Variants in PDK2 observed in about 807,000 individuals in gnomAD.
PDK2 encodes pyruvate dehydrogenase kinase, isozyme 2.
A neutral mutation model predicts 50.4 loss-of-function variants in PDK2; 34 were observed. The ratio of observed to expected loss-of-function variants is 0.68; its 90% confidence interval spans 0.51 to 0.90. PDK2 has a LOEUF of 0.90. Ranked by LOEUF, PDK2 falls within the 40% of genes least tolerant of loss-of-function variation. PDK2 has a pLI of 0.00. For missense variants in PDK2, 377 were observed against 544.5 expected (o/e 0.69, Z 3.06); for synonymous variants, 232 against 216.0 (o/e 1.07, Z -0.65).
chr17:50,111,610 A>T lies in PDK2; in HGVS notation c.*1513A>T, dbSNP rs1489914010. The T allele has an allele frequency of 6.6e-6, 1 of 152,338 alleles. No homozygotes were observed. Among genetic ancestry groups the T allele is most frequent in the African/African-American group, 2.4e-5 (1 of 41,450 alleles). The allele number at this position is 152,338 out of a possible 1,614,324, so 9.4% of individuals were successfully genotyped here. A position where few individuals can be genotyped will look rare whatever the true frequency, so the allele number is the denominator to read the frequency against. ...GAGGGAGCCAGCATGCATTGGTGCC[A>T]TCTGCCGCTCTGTCTGGGCAGATGG... On this transcript the variant is annotated 3_prime_UTR_variant, in exon 11 of 11. Transcript: ENST00000503176.
At chr17:50,096,181 A>G (rs1909930437) in intron 1 of PDK2, 3 of 985,566 alleles carry the variant, frequency 3.0e-6, no homozygotes, top group African/African-American at 3.5e-5. Context: ...TTGAAGATCA[A>G]ATCTGTTCCG....
rs779838763 is a variant in PDK2 at position 50,095,396 on chromosome 17, C to T, written c.-40C>T. 2 of 1,453,872 alleles carry T rather than the reference C, an allele frequency of 1.4e-6. No individual in the cohort carries two copies. The highest frequency in any genetic ancestry group is 1.4e-5 in the African/African-American group (1 of 71,444). The allele number at this position is 1,453,872 out of a possible 1,614,324, so 90.1% of individuals were successfully genotyped here. A position where few individuals can be genotyped will look rare whatever the true frequency, so the allele number is the denominator to read the frequency against. ...GGGCCGAAAGGTGCGCGAGCGCTGC[C>T]CGCGCGGGGACCACAACCAAAGTCG... On this transcript the variant is annotated 5_prime_UTR_variant, in exon 1 of 11. Coordinates refer to ENST00000503176, the MANE Select transcript of PDK2 (RefSeq NM_002611.5).
At position 50,095,475 on chromosome 17, in the gene PDK2, G is replaced by A. The variant is rs868086872; in HGVS notation, c.40G>A (p.Ala14Thr). The change falls in exon 1 of 11, where the codon GCA (alanine) becomes ACA (threonine). Residue 14 changes from alanine to threonine, a missense_variant. Physicochemically the swap from Ala to Thr is moderately conservative, Grantham distance 58 (BLOSUM62 0). Around this residue, in one of 3 missense-constraint regions of PDK2, gnomAD observed 100 missense variants for 115.5 expected, o/e 0.87. Transcript: ENST00000503176. ...VWALLKNASL[A>T]GAPKYIEHFS... Reference sequence around the variant, plus strand: ...GGCGCTGCTGAAGAATGCGTCCCTGGCAGGGGCGCCCAAGTACATAGAGCA... The same window carrying A: ...GGCGCTGCTGAAGAATGCGTCCCTGACAGGGGCGCCCAAGTACATAGAGCA... 1 of 1,605,438 alleles carries A rather than the reference G, an allele frequency of 6.2e-7. No individual in the cohort carries two copies. The highest frequency in any genetic ancestry group is 1.3e-5 in the African/African-American group (1 of 74,934).
chr17:50,095,506 G>C lies in PDK2; in HGVS notation c.71G>C (p.Ser24Thr). 6.2e-7 allele frequency: 1 copy of C among 1,607,142 alleles called. No individual in the cohort carries two copies. The highest frequency in any genetic ancestry group is 8.5e-7 in the Non-Finnish European group (1 of 1,177,028). Reference sequence around the variant, plus strand: ...GCGCCCAAGTACATAGAGCACTTCAGCAAGTTCTCCCCGTCCCCGCTGTCC... The same window carrying C: ...GCGCCCAAGTACATAGAGCACTTCACCAAGTTCTCCCCGTCCCCGCTGTCC... ...AGAPKYIEHFSKFSPSPLSMK... is the reference protein window; with the variant it reads ...AGAPKYIEHFTKFSPSPLSMK... Residue 24 changes from serine to threonine, a missense_variant, in exon 1 of 11, where the codon AGC (serine) becomes ACC (threonine). Ser to Thr is a moderately conservative substitution (Grantham distance 58). Around this residue, in one of 3 missense-constraint regions of PDK2, gnomAD observed 100 missense variants for 115.5 expected, o/e 0.87. Coordinates refer to ENST00000503176, the MANE Select transcript of PDK2 (RefSeq NM_002611.5).
At chr17:50,104,180 CT>C (rs1361846961) in intron 2 of PDK2, 1 of 152,248 alleles carries the variant, frequency 6.6e-6, no homozygotes, top group African/African-American at 2.4e-5. Context: ...GTGGCTCCAG[CT>C]TGGTACCATC....
chr17:50,107,692 C>A lies in PDK2; in HGVS notation c.686-464C>A, dbSNP rs868055892. ...GTGCTAGGGAGATTGCGGAATGGAG[C>A]CTTCAGCCAATTAACAAGTAAATAA... On this transcript the variant is annotated intron_variant, in intron 6 of 10. Transcript: ENST00000503176. Among the ~76,000 whole-genome samples, 7 of 152,132 alleles carry A rather than the reference C, an allele frequency of 4.6e-5. No homozygotes were observed. The South Asian group carries it at 6.2e-4, about 14-fold the overall frequency.
rs2239953 is a variant in PDK2 at position 50,111,660 on chromosome 17, G to C, written c.*1563G>C. ...GGAGGAGCTGGAGGGGTTTCCAAGC[G>C]GGAGCCCCCAGGCCTCATCGGTAAC... is the stretch of plus-strand genomic sequence containing the variant. On this transcript the variant is annotated 3_prime_UTR_variant, in exon 11 of 11. Transcript: ENST00000503176. 1.3e-5 allele frequency: 2 copies of C among 152,238 alleles called. No homozygotes were observed. The highest frequency in any genetic ancestry group is 3.9e-4 in the East Asian group (2 of 5,166). The allele number at this position is 152,238 out of a possible 1,614,324, so 9.4% of individuals were successfully genotyped here.
chr17:50,104,640 G>A (rs1041736072), intron 2 of PDK2, among the ~76,000 whole-genome samples: 4 of 152,190 alleles, frequency 2.6e-5, no homozygotes, highest in Non-Finnish European at 5.9e-5. Context: ...CCTGTAGATG[G>A]GAGGAGGTGG....
intron 7 of PDK2, 30 bp from the exon 8 acceptor site, chr17:50,108,289 C>T (rs1598215422): frequency 6.2e-7 from 1 of 1,610,044 alleles, no homozygotes. Context: ...TGGCTTCTCC[C>T]ATGCATCTCT....
intron 1 of PDK2, among the ~76,000 whole-genome samples, chr17:50,096,570 G>C (rs1029715607): frequency 2.0e-5 from 3 of 152,130 alleles, no homozygotes; most frequent in African/African-American, 7.2e-5. Context: ...CCCCTGCCCT[G>C]CCTGAGTCTT....
chr17:50,101,450 C>G lies in PDK2; in HGVS notation c.260+3886C>G, dbSNP rs562039556. On this transcript the variant is annotated intron_variant, in intron 2 of 10. Coordinates refer to ENST00000503176, the MANE Select transcript of PDK2 (RefSeq NM_002611.5). This position sits in a 1 kb window ranked among gnomAD's most constrained non-coding sequence, Gnocchi z 4.2. ...AGCAGCGGAACCCAAACCTGCCTGG[C>G]TCAGAGGCTCCGGAGGCGGGACACC... Among the ~76,000 whole-genome samples, 1 of 152,160 alleles carries G rather than the reference C, an allele frequency of 6.6e-6. No individual in the cohort carries two copies. The highest frequency in any genetic ancestry group is 1.5e-5 in the Non-Finnish European group (1 of 68,018).
chr17:50,095,023 G>T, upstream of PDK2: 1 of 182,768 alleles, frequency 5.5e-6, no homozygotes, highest in Middle Eastern at 2.4e-3. Context: ...GATGCGAGGG[G>T]GTAGCAAGGG....
Position 50,097,446 on chromosome 17 carries a change from ACCT to A in PDK2, c.146_148del (p.Ser49del). On this transcript the variant is annotated inframe_deletion, in exon 2 of 11. Coordinates refer to ENST00000503176, the MANE Select transcript of PDK2 (RefSeq NM_002611.5). ...AGGATCCAGCAATGCCTGTGAGAAA[ACCT>A]CCTTCACCTTCCTCAGGCAGGAGCT... is the stretch of plus-strand genomic sequence containing the variant. 1.2e-6 allele frequency: 2 copies of A among 1,607,058 alleles called. No homozygotes were observed. Among genetic ancestry groups the A allele is most frequent in the Non-Finnish European group, 1.7e-6 (2 of 1,174,670 alleles).
rs140605026 is a variant in PDK2, at chr17:50,109,496, C to T, written c.1083+96C>T. 2.0e-4 allele frequency: 131 copies of T among 665,588 alleles called. No individual in the cohort carries two copies. Among genetic ancestry groups the T allele is most frequent in the East Asian group, 9.3e-4 (32 of 34,418 alleles). 41.2% of individuals were successfully genotyped at this position (665,588 alleles called of 1,614,324 possible). A position where few individuals can be genotyped will look rare whatever the true frequency, so the allele number is the denominator to read the frequency against. On this transcript the variant is annotated intron_variant, in intron 10 of 10. Transcript: ENST00000503176. The surrounding 1 kb of genome is among the most constrained non-coding windows in gnomAD (Gnocchi z 5.0). ...CTGCGAGCTTTCCTTTCCATCCCCCCAGTCCTTCCCTGGCCCCAGACTCTG... is the reference window on the plus strand; with the variant it reads ...CTGCGAGCTTTCCTTTCCATCCCCCTAGTCCTTCCCTGGCCCCAGACTCTG...
At chr17:50,097,595 C>T (rs1292251509) in intron 2 of PDK2, 31 bp downstream of exon 2, 1 of 1,606,966 alleles carries the variant, frequency 6.2e-7, no homozygotes, top group Non-Finnish European at 8.5e-7. Flanking sequence ...CCTGCACCTC[C>T]CACTCCATCG....
At chr17:50,098,435 G>C (rs1362191584) in intron 2 of PDK2, 1 of 152,220 alleles carries the variant, frequency 6.6e-6, no homozygotes, top group Non-Finnish European at 1.5e-5. Context: ...CACCCAGGCA[G>C]GGTGAACTGA....
At chr17:50,102,358 C>T (rs1184039777) in intron 2 of PDK2, among the ~76,000 whole-genome samples, 1 of 152,202 alleles carries the variant, frequency 6.6e-6, no homozygotes, top group African/African-American at 2.4e-5. Flanking sequence ...CCATTCCTGC[C>T]CTCTAGGGTT....
upstream of PDK2, chr17:50,095,344 G>C: frequency 1.2e-6 from 1 of 867,788 alleles, no homozygotes; most frequent in East Asian, 2.8e-5. Context: ...GGCAAGGGTA[G>C]GGAGGAGGCG....
At chr17:50,108,110 G>T in intron 6 of PDK2, 46 bp from the exon 7 acceptor site, 1 of 1,509,212 alleles carries the variant, frequency 6.6e-7, no homozygotes, top group South Asian at 1.2e-5. Context: ...GTTGAGCAGT[G>T]ACCTCCTGAC....
Sources: gnomAD v4.1 joint callset for allele counts (sites outside exome capture counted in the v4.1 genomes callset) on GRCh38, gnomAD v4.1.1 for gene constraint, gnomAD v4.1.1 regional missense constraint, Gnocchi (gnomAD v3.1) non-coding constraint, MANE v1.5 for transcripts, NCBI Gene and HGNC (gene_info 2026-07-23, HGNC 2026-07-21) for gene names.